The following CALD1 variants were observed in gnomAD, a reference collection of about 807,000 sequenced individuals.
The protein encoded by CALD1 is caldesmon 1.
In CALD1, 33 loss-of-function variants were observed where a neutral mutation model predicts 99.9. That is an observed-to-expected ratio of 0.33 (90% CI 0.25 to 0.44). The LOEUF (loss-of-function observed/expected upper bound fraction) is 0.44, where lower values mean the gene tolerates loss of function less well. Among genes scored for constraint, CALD1 ranks in the 20% least tolerant of loss-of-function variants. The pLI is 1.00. For synonymous variants in CALD1, 310 were observed against 325.0 expected (o/e 0.95, Z 0.50); for missense variants, 861 against 962.1 (o/e 0.89, Z 1.39).
intron 1 of CALD1, among the ~76,000 whole-genome samples, chr7:134,747,093 C>T (rs1291907222): frequency 6.6e-6 from 1 of 152,042 alleles, no homozygotes; most frequent in Non-Finnish European, 1.5e-5. Context: ...AGGGTGTGGC[C>T]AAATGATTAT....
At chr7:134,929,002 C>A in intron 4 of CALD1, 102 bp downstream of exon 4, 1 of 1,032,742 alleles carries the variant, frequency 9.7e-7, no homozygotes, top group South Asian at 1.7e-5. Flanking sequence ...CCAACTCAAC[C>A]CTTTTTCAAT....
At chr7:134,830,248 G>A (rs1201543598) in intron 1 of CALD1, among the ~76,000 whole-genome samples, 2 of 152,164 alleles carry the variant, frequency 1.3e-5, no homozygotes, top group Admixed American at 6.6e-5. Context: ...CTACTATGAT[G>A]TGTGTTATCT....
In CALD1 at chr7:134,807,145, T is replaced by C. The variant is rs1487389329; in HGVS notation, c.-130+27396T>C. On this transcript the variant is annotated intron_variant, in intron 1 of 14. Coordinates refer to ENST00000361675, the MANE Select transcript of CALD1 (RefSeq NM_033138.4). ...AGCCCCTGGTCCTAATTTCTATTTT[T>C]CCATGCTCAACCTTTTAAATAGAAA... Among the ~76,000 whole-genome samples, 5 of 152,210 alleles carry C rather than the reference T, an allele frequency of 3.3e-5. No individual in the cohort carries two copies. The East Asian group carries it at 9.6e-4, about 29-fold the overall frequency.
At chr7:134,854,569 C>G (rs1231938196) in intron 2 of CALD1, among the ~76,000 whole-genome samples, 3 of 152,162 alleles carry the variant, frequency 2.0e-5, no homozygotes, top group South Asian at 4.1e-4. Context: ...TTTGGCCATA[C>G]ACGCTACTGA....
At chr7:134,922,113 T>C (rs1182154302) in intron 3 of CALD1, among the ~76,000 whole-genome samples, 1 of 152,190 alleles carries the variant, frequency 6.6e-6, no homozygotes, top group African/African-American at 2.4e-5. Flanking sequence ...CATTGCAAGA[T>C]GCAAATCCAA....
chr7:134,731,005 T>A, the CALD1 span, among the ~76,000 whole-genome samples: 1 of 152,084 alleles, frequency 6.6e-6, no homozygotes, highest in Non-Finnish European at 1.5e-5. Flanking sequence ...ACCCTAGATA[T>A]CTCTGGTTCT....
chr7:134,825,501 T>C (rs1355209502), intron 1 of CALD1, among the ~76,000 whole-genome samples: 12 of 152,190 alleles, frequency 7.9e-5, no homozygotes, highest in Non-Finnish European at 1.3e-4. Flanking sequence ...AAATTAGCAT[T>C]TTAAAATTCT....
At chr7:134,904,889 T>C (rs964319601) in intron 3 of CALD1, among the ~76,000 whole-genome samples, 1 of 152,090 alleles carries the variant, frequency 6.6e-6, no homozygotes, top group Non-Finnish European at 1.5e-5. Context: ...TGATGATAAA[T>C]TTCCAAGTAC....
At chr7:134,869,793 G>C (rs1800979213) in intron 3 of CALD1, among the ~76,000 whole-genome samples, 1 of 152,156 alleles carries the variant, frequency 6.6e-6, no homozygotes, top group African/African-American at 2.4e-5. Context: ...ACACAGTATG[G>C]TGGTGCTAGT....
chr7:134,842,284 A>G (rs932524728), intron 1 of CALD1, among the ~76,000 whole-genome samples: 5 of 152,244 alleles, frequency 3.3e-5, no homozygotes, highest in African/African-American at 4.8e-5. Context: ...AAATGACTTC[A>G]GCCAAGAAAC....
At chr7:134,858,269 A>G (rs1049185858) in intron 2 of CALD1, among the ~76,000 whole-genome samples, 3 of 152,124 alleles carry the variant, frequency 2.0e-5, no homozygotes, top group African/African-American at 7.2e-5. Flanking sequence ...TTCTTCAGCC[A>G]GTGTCTCAGC....
rs533887786 is a variant in CALD1, at chr7:134,818,881, C to T, written c.-129-25003C>T. On this transcript the variant is annotated intron_variant, in intron 1 of 14. Transcript: ENST00000361675. ...AAGCAGTCAACCAGTGGCAGTAGTT[C>T]ACATGCCAACATTTTTGTTTATTTG... 7.2e-5 allele frequency among the ~76,000 whole-genome samples: 11 copies of T among 152,240 alleles called. No homozygotes were observed. The South Asian group carries it at 2.3e-3, about 32-fold the overall frequency.
intron 6 of CALD1, 121 bp from the exon 7 acceptor site, chr7:134,940,971 G>C: frequency 1.4e-6 from 1 of 696,230 alleles, no homozygotes. Context: ...TACCACATCT[G>C]AGTGGTTTCT....
chr7:134,712,904 A>C, the CALD1 span, among the ~76,000 whole-genome samples: 2 of 152,212 alleles, frequency 1.3e-5, no homozygotes, highest in Non-Finnish European at 2.9e-5. Context: ...CCTGAAAATA[A>C]ACTTTATGTG....
chr7:134,741,861 A>T (rs1319041985), upstream of CALD1, among the ~76,000 whole-genome samples: 1 of 152,226 alleles, frequency 6.6e-6, no homozygotes, highest in East Asian at 1.9e-4. Flanking sequence ...CCATCAGGGT[A>T]TTTATTCAGC....
intron 1 of CALD1, among the ~76,000 whole-genome samples, chr7:134,751,600 A>G (rs1414715565): frequency 6.6e-6 from 1 of 152,098 alleles, no homozygotes; most frequent in East Asian, 1.9e-4. Context: ...TCTCTTTATC[A>G]TCTTTGTAAT....
chr7:134,815,068 T>G (rs1012905858), intron 1 of CALD1, among the ~76,000 whole-genome samples: 1 of 152,200 alleles, frequency 6.6e-6, no homozygotes, highest in Non-Finnish European at 1.5e-5. Flanking sequence ...TCATTTCTTA[T>G]GTCAGGAGCA....
the CALD1 span, among the ~76,000 whole-genome samples, chr7:134,722,582 T>A: frequency 6.6e-6 from 1 of 151,816 alleles, no homozygotes; most frequent in South Asian, 2.1e-4. Context: ...CCACCACACC[T>A]GGCTAATTTT....
chr7:134,872,546 T>C (rs1801147428), intron 3 of CALD1, among the ~76,000 whole-genome samples: 2 of 152,042 alleles, frequency 1.3e-5, no homozygotes, highest in Non-Finnish European at 2.9e-5. Context: ...GAAATACAGA[T>C]GCTGAATACC....
Sources: allele counts gnomAD v4.1 joint callset (sites outside exome capture counted in the v4.1 genomes callset), GRCh38; gene constraint gnomAD v4.1.1; transcripts MANE v1.5; gene names NCBI Gene and HGNC (gene_info 2026-07-23, HGNC 2026-07-21).